NKIRAS1: variants seen among roughly 807,000 people sequenced by gnomAD.
NKIRAS1 encodes NF-kappa-B inhibitor-interacting Ras-like protein 1.
NKIRAS1 carries 16 observed loss-of-function variants against 19.8 expected under a neutral mutation model. That is an observed-to-expected ratio of 0.81 (90% CI 0.55 to 1.23). The LOEUF is 1.23. NKIRAS1 is among the 50% of genes most tolerant of loss of function. NKIRAS1 has a pLI of 0.00. For synonymous variants in NKIRAS1, 88 were observed against 79.0 expected, an observed-to-expected ratio of 1.11 and a Z score of -0.61; for missense variants, 184 against 220.0, an observed-to-expected ratio of 0.84 and a Z score of 1.04.
chr3:23,938,036 T>C lies in NKIRAS1; in HGVS notation c.-140+8287A>G, dbSNP rs147123928. ...TAGTGACCTTCAGCTCCACAGAGAA[T>C]AAGCTCCTCAAAAATAGAGTGGAAC... On this transcript the variant is annotated intron_variant, in intron 1 of 4. Transcript: ENST00000421515. Among the ~76,000 whole-genome samples, 16 of 152,238 alleles carry C rather than the reference T, an allele frequency of 1.1e-4. No individual in the cohort carries two copies. In the East Asian group the frequency reaches 3.1e-3, roughly 29 times the overall value.
intron 1 of NKIRAS1, among the ~76,000 whole-genome samples, chr3:23,932,459 C>A (rs897654238): frequency 1.3e-5 from 2 of 152,006 alleles, no homozygotes; most frequent in African/African-American, 4.8e-5. Context: ...GAGGCCGAGG[C>A]GGGCGGATCA....
At chr3:23,945,532 C>T (rs1559326787) in intron 1 of NKIRAS1, 1 of 1,074,056 alleles carries the variant, frequency 9.3e-7, no homozygotes, top group Non-Finnish European at 1.2e-6. Flanking sequence ...GCGGCGCTGC[C>T]CCCTCTGCGG....
In NKIRAS1 at chr3:23,892,104, T is replaced by C. The variant is rs944234679; in HGVS notation, c.*991A>G. 3.3e-5 allele frequency: 5 copies of C among 152,252 alleles called. No homozygotes were observed. Among genetic ancestry groups the C allele is most frequent in the Middle Eastern group, 3.2e-3 (1 of 316 alleles). The allele number at this position is 152,252 out of a possible 1,614,324, so 9.4% of individuals were successfully genotyped here. On this transcript the variant is annotated 3_prime_UTR_variant, in exon 5 of 5. Coordinates refer to ENST00000425478, the MANE Select transcript of NKIRAS1 (RefSeq NM_020345.4). ...ACTTGATGTTTTAATATGTTCTTTG[T>C]TGAATAGCTTATTTTACATTTCAGT...
At chr3:23,902,607 C>A (rs1454222187) in intron 3 of NKIRAS1, among the ~76,000 whole-genome samples, 1 of 152,150 alleles carries the variant, frequency 6.6e-6, no homozygotes, top group African/African-American at 2.4e-5. Context: ...GTTAGCCCAC[C>A]TCCACCTGCC....
At chr3:23,912,255 C>A (rs1703819937) in intron 1 of NKIRAS1, among the ~76,000 whole-genome samples, 1 of 152,070 alleles carries the variant, frequency 6.6e-6, no homozygotes, top group South Asian at 2.1e-4. Context: ...AGTCAACAGG[C>A]AACCTACAGA....
chr3:23,945,543 G>A (rs1705634998), intron 1 of NKIRAS1: 4 of 1,141,820 alleles, frequency 3.5e-6, no homozygotes, highest in Non-Finnish European at 4.3e-6. Context: ...CCCTCTGCGG[G>A]AAGCGGGCGG....
chr3:23,940,869 C>A (rs767858386), intron 1 of NKIRAS1, among the ~76,000 whole-genome samples: 15 of 152,206 alleles, frequency 9.9e-5, no homozygotes, highest in African/African-American at 2.2e-4. Flanking sequence ...ACGGCAACTG[C>A]AATTTGCTGT....
Position 23,893,048 on chromosome 3 carries a change from T to G in NKIRAS1, c.*47A>C. The G allele has an allele frequency of 6.6e-7, 1 of 1,507,028 alleles. No individual in the cohort carries two copies. The highest frequency in any genetic ancestry group is 8.9e-7 in the Non-Finnish European group (1 of 1,129,586). 93.4% of individuals were successfully genotyped at this position (1,507,028 alleles called of 1,614,324 possible). A position where few individuals can be genotyped will look rare whatever the true frequency, so the allele number is the denominator to read the frequency against. ...AATATTACTCCATGTTCACAGACAC[T>G]TAAAGGCAATCACTATTCAACATAC... On this transcript the variant is annotated 3_prime_UTR_variant, in exon 5 of 5. Transcript: ENST00000425478.
upstream of NKIRAS1, chr3:23,920,385 C>G (rs1461049691): frequency 2.0e-6 from 2 of 985,266 alleles, no homozygotes; most frequent in Non-Finnish European, 2.4e-6. Flanking sequence ...CGCATGGTTT[C>G]CAACCATATG....
intron 1 of NKIRAS1, among the ~76,000 whole-genome samples, chr3:23,945,831 C>T (rs372920096): frequency 5.3e-5 from 8 of 150,764 alleles, no homozygotes; most frequent in East Asian, 2.0e-4. Context: ...CCCGGCCCCC[C>T]CCTCACATGG....
upstream of NKIRAS1, chr3:23,921,583 T>C (rs774004326): frequency 2.0e-3 from 1,350 of 678,580 alleles, 12 homozygotes; most frequent in Non-Finnish European, 3.0e-3. Context: ...TTTTTTTTTT[T>C]TTTTTTTTTT....
Position 23,927,730 on chromosome 3 carries a change from G to C in NKIRAS1, c.-139-16280C>G, listed in dbSNP as rs1006374870. Among the ~76,000 whole-genome samples, 8 of 152,138 alleles carry C rather than the reference G, an allele frequency of 5.3e-5. No homozygotes were observed. The highest frequency in any genetic ancestry group is 1.7e-4 in the African/African-American group (7 of 41,430). ...TAAACATACTATTTAGCTTCCCGAG[G>C]TTGATTATTAACTAAGCTAGGATGT... On this transcript the variant is annotated intron_variant, in intron 1 of 4. Coordinates refer to the NKIRAS1 transcript ENST00000421515. This position sits in a 1 kb window ranked among gnomAD's most constrained non-coding sequence, Gnocchi z 4.0.
intron 1 of NKIRAS1, among the ~76,000 whole-genome samples, chr3:23,915,362 C>T (rs1192225166): frequency 6.6e-6 from 1 of 152,180 alleles, no homozygotes; most frequent in Admixed American, 6.5e-5. Flanking sequence ...CACAGCCCTA[C>T]TGACTTTGGT....
intron 4 of NKIRAS1, among the ~76,000 whole-genome samples, chr3:23,894,371 T>C (rs996084309): frequency 9.9e-5 from 15 of 152,238 alleles, no homozygotes; most frequent in African/African-American, 2.7e-4. Flanking sequence ...TGTCTGTACA[T>C]TGAGCTTGAG....
chr3:23,918,165 GGTCA>G (rs1409967312), upstream of NKIRAS1: 5 of 1,151,058 alleles, frequency 4.3e-6, no homozygotes, highest in Admixed American at 1.1e-4. Flanking sequence ...TAGCAACACT[GGTCA>G]GTTACTGTAT....
chr3:23,918,850 A>G, upstream of NKIRAS1: 1 of 506,516 alleles, frequency 2.0e-6, no homozygotes, highest in South Asian at 3.0e-5. Flanking sequence ...CCTAAAATAT[A>G]TACTAAATAT....
upstream of NKIRAS1, chr3:23,920,258 T>A (rs1337701008): frequency 2.0e-6 from 2 of 985,674 alleles, no homozygotes; most frequent in Non-Finnish European, 2.4e-6. Context: ...ATCCCTTCAG[T>A]CACATTAGGG....
Position 23,900,846 on chromosome 3 carries a change from G to A in NKIRAS1, c.298C>T (p.Leu100=). 1 of 1,613,600 alleles carries A rather than the reference G, an allele frequency of 6.2e-7. No homozygotes were observed. The highest frequency in any genetic ancestry group is 8.5e-7 in the Non-Finnish European group (1 of 1,179,688). Residue 100 remains leucine (L), a synonymous_variant, in exon 4 of 5, where the codon CTG becomes TTG. Coordinates refer to ENST00000425478, the MANE Select transcript of NKIRAS1 (RefSeq NM_020345.4). ...TTGAACTTATCGATTTCTTTCTTCA[G>A]AAGCTCCACTCTTTGAAAGGATTCA... ...NLESFQRVEL[L]KKEIDKFKDK... is the part of the protein sequence containing the mutation.
intron 4 of NKIRAS1, among the ~76,000 whole-genome samples, chr3:23,897,034 T>A (rs1192952201): frequency 2.6e-5 from 4 of 151,626 alleles, no homozygotes; most frequent in African/African-American, 9.7e-5. Context: ...GAGCAAGACC[T>A]TGTCTTTGCA....
Sources: gnomAD v4.1 joint callset for allele counts (sites outside exome capture counted in the v4.1 genomes callset) on GRCh38, gnomAD v4.1.1 for gene constraint, Gnocchi (gnomAD v3.1) non-coding constraint, MANE v1.5 for transcripts, NCBI Gene and HGNC (gene_info 2026-07-23, HGNC 2026-07-21) for gene names.